RSRC2: variants seen among roughly 807,000 people sequenced by gnomAD.
RSRC2 encodes the protein arginine and serine rich coiled-coil 2, also known as arginine/serine-rich coiled-coil protein 2.
In RSRC2, 5 loss-of-function variants were observed where a neutral mutation model predicts 61.3. That is an observed-to-expected ratio of 0.08 (90% CI 0.04 to 0.17). RSRC2 has a LOEUF of 0.17. RSRC2 is among the 10% of genes least tolerant of loss of function. RSRC2 has a pLI of 1.00. For synonymous variants in RSRC2, 202 were observed against 166.5 expected (o/e 1.21, Z -1.64); for missense variants, 381 against 518.8 (o/e 0.73, Z 2.58).
At position 122,526,771 on chromosome 12, in the gene RSRC2, G is replaced by C. The variant is rs1436015070; in HGVS notation, c.6+77C>G. 7 of 1,544,352 alleles carry C rather than the reference G, an allele frequency of 4.5e-6. No homozygotes were observed. The East Asian group carries it at 1.3e-4, about 30-fold the overall frequency. On this transcript the variant is annotated intron_variant, in intron 1 of 9. Coordinates refer to ENST00000331738, the MANE Select transcript of RSRC2 (RefSeq NM_023012.6). ...GTCTACACACATACACACGAACAAG[G>C]TTCTGGGAGCCGTTCACCCACTGTT...
intron 7 of RSRC2, among the ~76,000 whole-genome samples, chr12:122,510,828 C>CT (rs1958451538): frequency 6.6e-6 from 1 of 152,158 alleles, no homozygotes; most frequent in Non-Finnish European, 1.5e-5. Context: ...AGGAGGACTG[C>CT]TTAAGCCCGA....
Position 122,505,664 on chromosome 12 carries a change from A to C in RSRC2, c.1168T>G (p.Tyr390Asp). ...TCTTCCTGCTGCTTCAGAGTCTTGT[A>C]ACTTTCTTCATCAACTGAGCTACAT... ...AGCSSVDEES[Y>D]KTLKQQEEVF... Residue 390 changes from tyrosine to aspartate, a missense_variant, in exon 10 of 10, where the codon TAC becomes GAC. This residue lies in a region of RSRC2 where 78 missense variants were observed against 183.0 expected (regional missense o/e 0.43). Transcript: ENST00000331738. 3 of 1,614,106 alleles carry C rather than the reference A, an allele frequency of 1.9e-6. No individual in the cohort carries two copies. The highest frequency in any genetic ancestry group is 2.5e-6 in the Non-Finnish European group (3 of 1,179,994).
chr12:122,516,437 T>C (rs1958931967), intron 5 of RSRC2, among the ~76,000 whole-genome samples: 1 of 152,194 alleles, frequency 6.6e-6, no homozygotes, highest in Non-Finnish European at 1.5e-5. Context: ...AGCACATGCA[T>C]GGAATTTGCA....
Position 122,505,524 on chromosome 12 carries a change from T to C in RSRC2, c.*3A>G, listed in dbSNP as rs780370347. The C allele has an allele frequency of 4.3e-6, 7 of 1,613,036 alleles. No individual in the cohort carries two copies. The highest frequency in any genetic ancestry group is 5.9e-6 in the Non-Finnish European group (7 of 1,179,348). On this transcript the variant is annotated 3_prime_UTR_variant, in exon 10 of 10. Coordinates refer to ENST00000331738, the MANE Select transcript of RSRC2 (RefSeq NM_023012.6). ...GTCCCAAACTTTACAAGTGTGATCA[T>C]TTTCAAACTGCATCCATTCCTCGCA...
At position 122,514,250 on chromosome 12, in the gene RSRC2, T is replaced by TTG. The variant is rs949028606; in HGVS notation, c.725+853_725+854dup. Among the ~76,000 whole-genome samples, 130 of 143,954 alleles carry TTG rather than the reference T, an allele frequency of 9.0e-4. 1 individual carries two copies. The East Asian group carries it at 0.011, about 12-fold the overall frequency. The allele number at this position is 143,954 out of a possible 152,430, so 94.4% of individuals were successfully genotyped here. The stretch of plus-strand genomic sequence containing the variant: ...CTTTGAAACAGCAGAAAATTTATTT[T>TTG]TGTGTGTGTGTGTGTGTGTGTTTTT... On this transcript the variant is annotated intron_variant, in intron 6 of 9. Transcript: ENST00000331738.
At chr12:122,521,331 C>T in intron 3 of RSRC2, 54 bp downstream of exon 3, 2 of 1,363,160 alleles carry the variant, frequency 1.5e-6, no homozygotes, top group East Asian at 4.6e-5. Flanking sequence ...AATCTTTCTA[C>T]CAGACACTTT....
chr12:122,525,816 T>A (rs1158245697), intron 1 of RSRC2, among the ~76,000 whole-genome samples: 1 of 6,656 alleles, frequency 1.5e-4, no homozygotes. Flanking sequence ...TTTTTTTTTT[T>A]TTTTTTTTTT....
At chr12:122,524,873 C>A (rs982758319) in intron 1 of RSRC2, among the ~76,000 whole-genome samples, 2 of 152,162 alleles carry the variant, frequency 1.3e-5, no homozygotes, top group African/African-American at 4.8e-5. Flanking sequence ...GCCTTCTATT[C>A]CAGCAGTGGC....
chr12:122,517,124 T>C, intron 5 of RSRC2, 103 bp downstream of exon 5: 1 of 1,520,568 alleles, frequency 6.6e-7, no homozygotes, highest in Non-Finnish European at 9.0e-7. Context: ...CCATAATCTA[T>C]AAATAGAATT....
At chr12:122,519,122 TTAG>T (rs1565902303) in intron 3 of RSRC2, 93 bp from the exon 4 acceptor site, 2 of 952,260 alleles carry the variant, frequency 2.1e-6, no homozygotes, top group Non-Finnish European at 1.7e-6. Context: ...TGATGCAACA[TTAG>T]TAACCTTAGG....
rs1234784938 is a variant in RSRC2, at chr12:122,503,728, A to C, written c.*1799T>G. On this transcript the variant is annotated 3_prime_UTR_variant, in exon 10 of 10. Transcript: ENST00000331738. ...TGTCACTGAAACACGGTGAAAAGCC[A>C]TTTTGCCATAGAATTTCTGTGCTCT... is the stretch of plus-strand genomic sequence containing the variant. The C allele has an allele frequency of 6.6e-6, 1 of 152,206 alleles. No homozygotes were observed. Among genetic ancestry groups the C allele is most frequent in the African/African-American group, 2.4e-5 (1 of 41,452 alleles). The allele number at this position is 152,206 out of a possible 1,614,324, so 9.4% of individuals were successfully genotyped here. A position where few individuals can be genotyped will look rare whatever the true frequency, so the allele number is the denominator to read the frequency against.
At chr12:122,522,946 A>G (rs1043653823) in intron 1 of RSRC2, 3 of 152,204 alleles carry the variant, frequency 2.0e-5, no homozygotes, top group Admixed American at 1.3e-4. Context: ...AAAGCATTTT[A>G]TAAGTAATTA....
chr12:122,525,359 A>G (rs1266487184), intron 1 of RSRC2, among the ~76,000 whole-genome samples: 4 of 152,188 alleles, frequency 2.6e-5, no homozygotes, highest in African/African-American at 9.6e-5. Context: ...CTGGGCGACA[A>G]GAGCAAAACT....
intron 1 of RSRC2, 25 bp downstream of exon 1, chr12:122,526,823 C>A: frequency 6.2e-7 from 1 of 1,614,060 alleles, no homozygotes; most frequent in Non-Finnish European, 8.5e-7. Context: ...ATATCCCTGG[C>A]TTTAAACTCA....
At chr12:122,506,564 TG>T in intron 9 of RSRC2, 1 of 335,754 alleles carries the variant, frequency 3.0e-6, no homozygotes, top group Non-Finnish European at 5.4e-6. Context: ...GAGGTATGAC[TG>T]CACCACTGTA....
chr12:122,519,358 A>G (rs1959156167), intron 3 of RSRC2: 1 of 207,490 alleles, frequency 4.8e-6, no homozygotes. Context: ...CCATGTATAT[A>G]CATCAACTTC....
chr12:122,511,045 T>G (rs1007010008), intron 7 of RSRC2, 64 bp downstream of exon 7: 3 of 1,249,502 alleles, frequency 2.4e-6, no homozygotes, highest in African/African-American at 3.0e-5. Context: ...CAAATCCCTG[T>G]GAAAAACAAA....
chr12:122,508,863 G>A (rs1958292214), intron 7 of RSRC2, among the ~76,000 whole-genome samples: 1 of 152,000 alleles, frequency 6.6e-6, no homozygotes, highest in Non-Finnish European at 1.5e-5. Context: ...GGCTGACGCA[G>A]GAGAATCACT....
intron 4 of RSRC2, 69 bp downstream of exon 4, chr12:122,518,770 T>C (rs11058562): frequency 0.46 from 568,445 of 1,236,048 alleles, 136,709 homozygotes; most frequent in Non-Finnish European, 0.49. Context: ...TTTTTGGGTG[T>C]TGCTGGGTCA....
Sources: gnomAD v4.1 joint callset for allele counts (sites outside exome capture counted in the v4.1 genomes callset) on GRCh38, gnomAD v4.1.1 for gene constraint, gnomAD v4.1.1 regional missense constraint, MANE v1.5 for transcripts, NCBI Gene and HGNC (gene_info 2026-07-23, HGNC 2026-07-21) for gene names.